The following ITGB5 variants were observed in gnomAD, a reference collection of about 807,000 sequenced individuals.
ITGB5 encodes the protein integrin beta-5.
In ITGB5, 38 loss-of-function variants were observed where a neutral mutation model predicts 84.8. That is an observed-to-expected ratio of 0.45 (90% CI 0.35 to 0.59). The LOEUF (loss-of-function observed/expected upper bound fraction) is 0.59, where lower values mean the gene tolerates loss of function less well. Ranked by LOEUF, ITGB5 falls within the 20% of genes least tolerant of loss-of-function variation. ITGB5 has a pLI of 0.01. For synonymous variants in ITGB5, 393 were observed against 414.4 expected (o/e 0.95, Z 0.63); for missense variants, 905 against 1,034.5 (o/e 0.87, Z 1.72).
intron 10 of ITGB5, among the ~76,000 whole-genome samples, chr3:124,787,031 G>T (rs1322744787): frequency 6.6e-6 from 1 of 152,146 alleles, no homozygotes; most frequent in African/African-American, 2.4e-5. Flanking sequence ...ACATGACTAA[G>T]ATCTTATCTT....
intron 8 of ITGB5, among the ~76,000 whole-genome samples, chr3:124,815,783 G>A (rs2064581305): frequency 1.3e-5 from 2 of 152,162 alleles, no homozygotes; most frequent in Non-Finnish European, 1.5e-5. Flanking sequence ...TCTGGGTGTC[G>A]CACTTCAGCA....
At chr3:124,805,345 G>A (rs2064383773) in intron 9 of ITGB5, among the ~76,000 whole-genome samples, 1 of 151,852 alleles carries the variant, frequency 6.6e-6, no homozygotes. Context: ...GTTTTGCCAT[G>A]TTGCCCAGGC....
At chr3:124,836,144 A>C (rs945182725) in intron 5 of ITGB5, among the ~76,000 whole-genome samples, 6 of 152,040 alleles carry the variant, frequency 3.9e-5, no homozygotes, top group African/African-American at 1.4e-4. Flanking sequence ...CGATAACAGA[A>C]GAGGCAGAGC....
At chr3:124,776,117 C>T (rs552846214) in intron 10 of ITGB5, among the ~76,000 whole-genome samples, 1 of 148,328 alleles carries the variant, frequency 6.7e-6, no homozygotes, top group African/African-American at 2.5e-5. Flanking sequence ...TGTGTAGATG[C>T]GGGCGTGTGA....
At chr3:124,868,048 A>G (rs1315178976) in intron 2 of ITGB5, among the ~76,000 whole-genome samples, 1 of 152,092 alleles carries the variant, frequency 6.6e-6, no homozygotes, top group Non-Finnish European at 1.5e-5. Context: ...ATAGTTTCAT[A>G]AGGGGCTCTT....
rs185427366 is a variant in ITGB5 at position 124,826,671 on chromosome 3, G to A, written c.781-5197C>T. Among the ~76,000 whole-genome samples, 133 of 152,302 alleles carry A rather than the reference G, an allele frequency of 8.7e-4. 1 individual carries two copies. Among genetic ancestry groups the A allele is most frequent in the African/African-American group, 2.3e-3 (96 of 41,562 alleles). ...ACATTCGTATACAGAGAAGAACTGT[G>A]CATGTAATAAATGGGATAATTCATA... On this transcript the variant is annotated intron_variant, in intron 5 of 14. Coordinates refer to ENST00000296181, the MANE Select transcript of ITGB5 (RefSeq NM_002213.5).
intron 10 of ITGB5, chr3:124,787,640 C>A (rs944324355): frequency 1.3e-5 from 2 of 152,200 alleles, no homozygotes; most frequent in African/African-American, 4.8e-5. Context: ...CTGCCTAACA[C>A]AAAATGACCT....
chr3:124,845,178 ATC>A (rs2065060787), intron 4 of ITGB5, among the ~76,000 whole-genome samples: 1 of 152,344 alleles, frequency 6.6e-6, no homozygotes, highest in Admixed American at 6.5e-5. Flanking sequence ...CACCCCTGTA[ATC>A]TCAGCACTTT....
At chr3:124,767,772 G>A (rs2063787984) in intron 12 of ITGB5, among the ~76,000 whole-genome samples, 2 of 152,190 alleles carry the variant, frequency 1.3e-5, no homozygotes. Context: ...TGCATATATA[G>A]CTCAAATATT....
chr3:124,847,566 G>T (rs762173302), intron 4 of ITGB5, among the ~76,000 whole-genome samples: 4 of 152,190 alleles, frequency 2.6e-5, no homozygotes, highest in Non-Finnish European at 5.9e-5. Context: ...TCCTATGCAT[G>T]ACCCTCTAGG....
intron 3 of ITGB5, among the ~76,000 whole-genome samples, chr3:124,855,129 A>G (rs1424837371): frequency 6.6e-6 from 1 of 152,136 alleles, no homozygotes; most frequent in Non-Finnish European, 1.5e-5. Flanking sequence ...CTTGGCCAAC[A>G]TGGTGAAACC....
chr3:124,885,443 A>T (rs1240650577), intron 1 of ITGB5, among the ~76,000 whole-genome samples: 1 of 152,206 alleles, frequency 6.6e-6, no homozygotes, highest in East Asian at 1.9e-4. Flanking sequence ...CAAACAGAAA[A>T]AGAGAAGGGG....
chr3:124,856,459 T>C (rs2065223845), intron 3 of ITGB5, among the ~76,000 whole-genome samples: 1 of 152,174 alleles, frequency 6.6e-6, no homozygotes, highest in Non-Finnish European at 1.5e-5. Flanking sequence ...AAAATGTAAA[T>C]TAAAACCTTC....
rs573592050 is a variant in ITGB5, at chr3:124,825,680, G to A, written c.781-4206C>T. ...ATCAGTAGTCGCCAAAGTGGCTTAG[G>A]GTCATGGGAGGAGATGGATGACAAA... On this transcript the variant is annotated intron_variant, in intron 5 of 14. Transcript: ENST00000296181. 4.6e-5 allele frequency among the ~76,000 whole-genome samples: 7 copies of A among 152,300 alleles called. No individual in the cohort carries two copies. In the South Asian group the frequency reaches 1.0e-3, roughly 23 times the overall value.
chr3:124,898,981 A>G (rs2049720756), intron 1 of ITGB5, among the ~76,000 whole-genome samples: 1 of 152,098 alleles, frequency 6.6e-6, no homozygotes, highest in African/African-American at 2.4e-5. Context: ...AGGCTGAGGC[A>G]GGAGAATCAC....
At chr3:124,791,352 A>G (rs1238904887) in intron 10 of ITGB5, 1 of 152,226 alleles carries the variant, frequency 6.6e-6, no homozygotes, top group Non-Finnish European at 1.5e-5. Flanking sequence ...CATTCCCATG[A>G]CAATGTGTCA....
chr3:124,872,581 T>G (rs1934109595), intron 2 of ITGB5, among the ~76,000 whole-genome samples: 1 of 152,196 alleles, frequency 6.6e-6, no homozygotes, highest in African/African-American at 2.4e-5. Flanking sequence ...CGCACTGCAT[T>G]GCAGACTGAG....
chr3:124,894,134 CTTTTTTTTT>C (rs748784158), intron 1 of ITGB5, among the ~76,000 whole-genome samples: 1 of 104,354 alleles, frequency 9.6e-6, no homozygotes, highest in Non-Finnish European at 1.8e-5. Flanking sequence ...TGATATTTTT[CTTTTTTTTT>C]TTTTTTTTTG....
intron 2 of ITGB5, chr3:124,862,002 C>A (rs952225880): frequency 2.6e-5 from 4 of 152,360 alleles, no homozygotes; most frequent in Non-Finnish European, 4.4e-5. Flanking sequence ...GAGGGCCCTG[C>A]CAGTTTGGGT....
Sources: allele counts gnomAD v4.1 joint callset (sites outside exome capture counted in the v4.1 genomes callset), GRCh38; gene constraint gnomAD v4.1.1; transcripts MANE v1.5; gene names NCBI Gene and HGNC (gene_info 2026-07-23, HGNC 2026-07-21).